PRKCE: variants seen among roughly 807,000 people sequenced by gnomAD.
PRKCE encodes protein kinase C epsilon type.
A neutral mutation model predicts 85.4 loss-of-function variants in PRKCE; 16 were observed. That is an observed-to-expected ratio of 0.19 (90% confidence interval 0.13 to 0.28). The LOEUF is 0.28. PRKCE is among the 10% of genes least tolerant of loss of function. The pLI, the probability that PRKCE is intolerant of heterozygous loss-of-function variation, is 1.00. For synonymous variants in PRKCE, 388 were observed against 371.5 expected (o/e 1.04, Z -0.51); for missense variants, 573 against 975.2 (o/e 0.59, Z 5.49).
intron 10 of PRKCE, among the ~76,000 whole-genome samples, chr2:46,039,118 G>A (rs1160121276): frequency 6.6e-6 from 1 of 152,142 alleles, no homozygotes; most frequent in Non-Finnish European, 1.5e-5. Flanking sequence ...ACTTCTCTGT[G>A]TTTCGGATTC....
chr2:46,107,831 T>C (rs1433106174), intron 11 of PRKCE, among the ~76,000 whole-genome samples: 1 of 152,248 alleles, frequency 6.6e-6, no homozygotes, highest in Admixed American at 6.5e-5. Flanking sequence ...TTTTCCTATC[T>C]TATTTGCCAT....
At chr2:46,067,522 C>T (rs1019096318) in intron 10 of PRKCE, among the ~76,000 whole-genome samples, 3 of 152,146 alleles carry the variant, frequency 2.0e-5, no homozygotes, top group African/African-American at 4.8e-5. Flanking sequence ...ATGTTTGGTG[C>T]GTATTCAGGT....
chr2:45,870,764 A>G (rs1334728334), intron 2 of PRKCE, among the ~76,000 whole-genome samples: 3 of 152,198 alleles, frequency 2.0e-5, no homozygotes, highest in African/African-American at 7.2e-5. Context: ...TAATGGTTCT[A>G]AATATGGATT....
At chr2:45,885,001 A>ATTTTTTTTTTTTTTT (rs55883420) in intron 2 of PRKCE, among the ~76,000 whole-genome samples, 2 of 71,540 alleles carry the variant, frequency 2.8e-5, no homozygotes, top group Non-Finnish European at 5.4e-5. Context: ...ATATATATAT[A>ATTTTTTTTTTTTTTT]TTTGTTGTTG....
At chr2:45,890,746 G>A (rs1450989149) in intron 2 of PRKCE, among the ~76,000 whole-genome samples, 3 of 152,054 alleles carry the variant, frequency 2.0e-5, no homozygotes, top group Non-Finnish European at 4.4e-5. Flanking sequence ...TCAGATTTTT[G>A]CCTAGAATGA....
At chr2:46,074,429 C>CAAAAAAAAAAAAAAAAAAAAA (rs11287357) in intron 10 of PRKCE, among the ~76,000 whole-genome samples, 3 of 93,880 alleles carry the variant, frequency 3.2e-5, no homozygotes, top group African/African-American at 8.4e-5. Context: ...CAACAACAAC[C>CAAAAAAAAAAAAAAAAAAAAA]AAAAAAAAAA....
At chr2:45,863,545 C>T (rs1383797428) in intron 2 of PRKCE, among the ~76,000 whole-genome samples, 2 of 151,996 alleles carry the variant, frequency 1.3e-5, no homozygotes, top group African/African-American at 4.8e-5. Context: ...CACGGGCCAA[C>T]CCTGGGGATG....
chr2:46,064,923 A>G (rs888045102), intron 10 of PRKCE, among the ~76,000 whole-genome samples: 6 of 152,234 alleles, frequency 3.9e-5, no homozygotes, highest in Non-Finnish European at 2.9e-5. Context: ...ATTGTTGCCA[A>G]CACCAAGCCC....
At position 46,007,676 on chromosome 2, in the gene PRKCE, C is replaced by T. The variant is rs755851941; in HGVS notation, c.1263+15C>T. The T allele has an allele frequency of 6.9e-6, 11 of 1,597,896 alleles. No individual in the cohort carries two copies. Among genetic ancestry groups the T allele is most frequent in the East Asian group, 4.5e-5 (2 of 44,856 alleles). Reference sequence around the variant, plus strand: ...GCTTTGGCAAGGTCTGTGGCACACACGGGTGGAACTGCTGGTTTTGTTCTA... The same window carrying T: ...GCTTTGGCAAGGTCTGTGGCACACATGGGTGGAACTGCTGGTTTTGTTCTA... On this transcript the variant is annotated intron_variant, in intron 9 of 14. Coordinates refer to ENST00000306156, the MANE Select transcript of PRKCE (RefSeq NM_005400.3).
At chr2:45,723,922 T>G (rs778459082) in intron 1 of PRKCE, among the ~76,000 whole-genome samples, 3 of 152,146 alleles carry the variant, frequency 2.0e-5, no homozygotes, top group Non-Finnish European at 2.9e-5. Flanking sequence ...TTCTTTTAAT[T>G]TGTTCATTCT....
chr2:45,926,820 T>C (rs1202777852), intron 2 of PRKCE, among the ~76,000 whole-genome samples: 1 of 152,116 alleles, frequency 6.6e-6, no homozygotes, highest in South Asian at 2.1e-4. Flanking sequence ...GGACACAGGA[T>C]AGTAGAAGTA....
chr2:46,157,738 T>C (rs1677356419), intron 13 of PRKCE, among the ~76,000 whole-genome samples: 1 of 152,208 alleles, frequency 6.6e-6, no homozygotes, highest in Non-Finnish European at 1.5e-5. Context: ...CTGACCCTGA[T>C]ACTTCCCCTC....
intron 1 of PRKCE, among the ~76,000 whole-genome samples, chr2:45,719,519 G>A (rs1680433572): frequency 6.6e-6 from 1 of 152,200 alleles, no homozygotes; most frequent in African/African-American, 2.4e-5. Flanking sequence ...ATGGCGGGCA[G>A]TTGGCACTTG....
At chr2:45,946,564 C>T (rs1003951555) in intron 2 of PRKCE, among the ~76,000 whole-genome samples, 1 of 152,176 alleles carries the variant, frequency 6.6e-6, no homozygotes, top group Admixed American at 6.5e-5. Flanking sequence ...TGAGAATCCC[C>T]CTGCCAGCTC....
At chr2:45,864,829 T>G (rs80114812) in intron 2 of PRKCE, among the ~76,000 whole-genome samples, 5,492 of 152,294 alleles carry the variant, frequency 0.036, 133 homozygotes, top group Middle Eastern at 0.12. Flanking sequence ...TCTGGATTCA[T>G]AGCAATATGG....
At chr2:45,884,236 C>G (rs1382540779) in intron 2 of PRKCE, among the ~76,000 whole-genome samples, 1 of 152,194 alleles carries the variant, frequency 6.6e-6, no homozygotes, top group Non-Finnish European at 1.5e-5. Flanking sequence ...TGCCACTGGG[C>G]AAGTTACTCA....
intron 1 of PRKCE, among the ~76,000 whole-genome samples, chr2:45,708,732 A>G (rs1679344635): frequency 6.6e-6 from 1 of 152,208 alleles, no homozygotes; most frequent in Non-Finnish European, 1.5e-5. Context: ...AATTCTGGCC[A>G]GTGGAATGTG....
intron 11 of PRKCE, among the ~76,000 whole-genome samples, chr2:46,101,117 C>T (rs1319560351): frequency 6.6e-6 from 1 of 152,174 alleles, no homozygotes; most frequent in African/African-American, 2.4e-5. Flanking sequence ...GATCTGTCCG[C>T]CTTGGCCTCC....
chr2:45,685,674 G>T (rs1677241811), intron 1 of PRKCE: 1 of 152,214 alleles, frequency 6.6e-6, no homozygotes, highest in Non-Finnish European at 1.5e-5. Context: ...TGTGCCCGTA[G>T]TCTCTTGACT....
Sources: gnomAD v4.1 joint callset for allele counts (sites outside exome capture counted in the v4.1 genomes callset) on GRCh38, gnomAD v4.1.1 for gene constraint, MANE v1.5 for transcripts, NCBI Gene and HGNC (gene_info 2026-07-23, HGNC 2026-07-21) for gene names.